Variants in UBXN6 observed in about 807,000 individuals in gnomAD.
UBXN6 encodes the protein UBX domain protein 6.
A neutral mutation model predicts 51.4 loss-of-function variants in UBXN6; 44 were observed. That is an observed-to-expected ratio of 0.86 (90% CI 0.67 to 1.10). The LOEUF (loss-of-function observed/expected upper bound fraction) is 1.10. UBXN6 is among the 50% of genes least tolerant of loss of function. UBXN6 has a pLI of 0.00. For missense variants in UBXN6, 672 were observed against 596.1 expected, an observed-to-expected ratio of 1.13 and a Z score of -1.32; for synonymous variants, 316 against 263.2, an observed-to-expected ratio of 1.20 and a Z score of -1.94.
At position 4,457,510 on chromosome 19, in the gene UBXN6, C is replaced by G; in HGVS notation, c.83+105G>C. The G allele has an allele frequency of 6.6e-6, 7 of 1,054,194 alleles. No individual in the cohort carries two copies. The South Asian group carries it at 1.2e-4, about 17-fold the overall frequency. 65.3% of individuals were successfully genotyped at this position (1,054,194 alleles called of 1,614,324 possible). On this transcript the variant is annotated intron_variant, in intron 1 of 10. Transcript: ENST00000301281. ...TCCCCTGACCCTCGCGTGCCGCTCC[C>G]AGCCCCTCATCCTCTCCGATCTCCC... is the stretch of plus-strand genomic sequence containing the variant.
In UBXN6 at chr19:4,452,511, C is replaced by A; in HGVS notation, c.313-19G>T. The A allele has an allele frequency of 2.5e-6, 4 of 1,606,352 alleles. No individual in the cohort carries two copies. The highest frequency in any genetic ancestry group is 2.5e-6 in the Non-Finnish European group (3 of 1,178,012). On this transcript the variant is annotated intron_variant, in intron 3 of 10. Coordinates refer to ENST00000301281, the MANE Select transcript of UBXN6 (RefSeq NM_025241.3). Reference sequence around the variant, plus strand: ...CAGATACCTGGGGCGGTGAAAGCGTCCAAGTCTGGACCGTGGACAGAGGCC... The same window carrying A: ...CAGATACCTGGGGCGGTGAAAGCGTACAAGTCTGGACCGTGGACAGAGGCC...
At position 4,452,379 on chromosome 19, in the gene UBXN6, C is replaced by G; in HGVS notation, c.426G>C (p.Lys142Asn). The change falls in exon 4 of 11, where the codon AAG (lysine) becomes AAC (asparagine). Residue 142 changes from lysine to asparagine, a missense_variant. Transcript: ENST00000301281. ...LRKDQRDACI[K>N]EAILLHFSTD... ...TGCCACTCACCAAGAGAATGGCCTC[C>G]TTGATGCAGGCGTCCCGCTGGTCCT... is the stretch of plus-strand genomic sequence containing the variant. The G allele has an allele frequency of 6.2e-7, 1 of 1,613,708 alleles. No homozygotes were observed.
At chr19:4,455,716 G>A (rs555196154) in intron 1 of UBXN6, among the ~76,000 whole-genome samples, 3 of 152,234 alleles carry the variant, frequency 2.0e-5, no homozygotes, top group Admixed American at 6.5e-5. Flanking sequence ...TGCACTGTCT[G>A]CACCTTCTGC....
chr19:4,456,335 T>C (rs534545654), intron 1 of UBXN6, among the ~76,000 whole-genome samples: 1 of 128,502 alleles, frequency 7.8e-6, no homozygotes, highest in South Asian at 2.6e-4. Context: ...CCAGGAACCC[T>C]GACGTCCTCA....
intron 5 of UBXN6, chr19:4,447,975 C>G: frequency 2.0e-6 from 1 of 502,360 alleles, no homozygotes; most frequent in Non-Finnish European, 3.6e-6. Context: ...CGGGGTGCTC[C>G]CTCGGCGTTG....
chr19:4,455,968 T>C (rs1429074026), intron 1 of UBXN6, among the ~76,000 whole-genome samples: 1 of 151,990 alleles, frequency 6.6e-6, no homozygotes, highest in African/African-American at 2.4e-5. Flanking sequence ...ATCGGCTCCC[T>C]CTAGAAGGTG....
intron 6 of UBXN6, 69 bp from the exon 7 acceptor site, chr19:4,446,989 TC>T: frequency 6.7e-7 from 1 of 1,496,754 alleles, no homozygotes; most frequent in Non-Finnish European, 9.2e-7. Flanking sequence ...CCCCACCCAG[TC>T]CAGGGGCCCG....
At chr19:4,449,348 C>T (rs1227645767) in intron 4 of UBXN6, 1 of 152,990 alleles carries the variant, frequency 6.5e-6, no homozygotes, top group African/African-American at 2.4e-5. Flanking sequence ...CCACCCCCCA[C>T]CCTCAACTGC....
In UBXN6 at chr19:4,452,445, G is replaced by A. The variant is rs764280812; in HGVS notation, c.360C>T (p.Gly120=). The change falls in exon 4 of 11, where the codon GGC becomes GGT. Residue 120 remains glycine, a synonymous_variant. Coordinates refer to ENST00000301281, the MANE Select transcript of UBXN6 (RefSeq NM_025241.3). ...EEGSAHLAVP[G]VYFTCPLTGA... ...CAGTGAGCGGACAGGTGAAGTACAC[G>A]CCAGGCACAGCCAGGTGGGCAGAGC... 9.3e-5 allele frequency: 150 copies of A among 1,612,020 alleles called. No homozygotes were observed. Among genetic ancestry groups the A allele is most frequent in the East Asian group, 1.6e-4 (7 of 44,878 alleles).
At chr19:4,456,403 T>C in intron 1 of UBXN6, among the ~76,000 whole-genome samples, 1 of 141,210 alleles carries the variant, frequency 7.1e-6, no homozygotes, top group African/African-American at 2.7e-5. Flanking sequence ...CCCCACTTCC[T>C]GCCACCTCCC....
chr19:4,448,276 G>A, intron 5 of UBXN6, 42 bp downstream of exon 5: 1 of 1,533,206 alleles, frequency 6.5e-7, no homozygotes, highest in Non-Finnish European at 8.8e-7. Context: ...GTGCTGGGAT[G>A]AGCTGGAGGG....
At chr19:4,453,855 T>C in intron 2 of UBXN6, 75 bp downstream of exon 2, 2 of 1,545,114 alleles carry the variant, frequency 1.3e-6, no homozygotes, top group Non-Finnish European at 1.7e-6. Context: ...ATGTGACTTC[T>C]GCATCCAGGG....
At chr19:4,447,454 A>T (rs1974558308) in intron 6 of UBXN6, 96 bp downstream of exon 6, 2 of 1,379,124 alleles carry the variant, frequency 1.5e-6, no homozygotes, top group African/African-American at 2.9e-5. Context: ...TAGCTCCTCC[A>T]GGGAGCCCAC....
rs550349075 is a variant in UBXN6 at position 4,454,293 on chromosome 19, A to G, written c.84-200T>C. Reference sequence around the variant, plus strand: ...CTACTGCAGGCGGAAGAGCCCCTGGAGGAAGGAGATGCTGGTTCCACTCAG... The same window carrying G: ...CTACTGCAGGCGGAAGAGCCCCTGGGGGAAGGAGATGCTGGTTCCACTCAG... On this transcript the variant is annotated intron_variant, in intron 1 of 10. Transcript: ENST00000301281. Among the ~76,000 whole-genome samples the G allele has an allele frequency of 5.9e-5, 9 of 152,294 alleles. No individual in the cohort carries two copies. In the East Asian group the frequency reaches 1.5e-3, roughly 26 times the overall value.
At chr19:4,450,947 T>G (rs1013988794) in intron 4 of UBXN6, 6 of 152,048 alleles carry the variant, frequency 3.9e-5, no homozygotes, top group African/African-American at 1.5e-4. Context: ...AAGATCAAAG[T>G]TTGGTGATTT....
intron 3 of UBXN6, 33 bp downstream of exon 3, chr19:4,453,425 G>A (rs763030325): frequency 4.6e-5 from 74 of 1,607,638 alleles, no homozygotes; most frequent in Non-Finnish European, 6.1e-5. Context: ...CCACCCCTTG[G>A]CATGGGACAG....
chr19:4,448,577 C>A (rs1974590279), intron 4 of UBXN6, 162 bp from the exon 5 acceptor site: 2 of 645,628 alleles, frequency 3.1e-6, no homozygotes, highest in South Asian at 3.7e-5. Flanking sequence ...CCTCCAAGAC[C>A]GCAGCCCTGC....
Position 4,447,012 on chromosome 19 carries a change from TG to T in UBXN6, c.616-93del, listed in dbSNP as rs1490845395. ...AGTCCAGGGGCCCGGCTCTCGCTATTGGGAGCAGCTGTCGACCCCTGGATGG... is the reference window on the plus strand; with the variant it reads ...AGTCCAGGGGCCCGGCTCTCGCTATTGGAGCAGCTGTCGACCCCTGGATGG... On this transcript the variant is annotated intron_variant, in intron 6 of 10. Transcript: ENST00000301281. The T allele has an allele frequency of 4.4e-5, 57 of 1,287,742 alleles. 1 individual carries two copies. In the East Asian group the frequency reaches 1.4e-3, roughly 32 times the overall value. 79.8% of individuals were successfully genotyped at this position (1,287,742 alleles called of 1,614,324 possible).
intron 4 of UBXN6, 151 bp from the exon 5 acceptor site, chr19:4,448,566 C>T (rs977422278): frequency 6.0e-6 from 4 of 667,934 alleles, no homozygotes; most frequent in East Asian, 5.4e-5. Flanking sequence ...AAAAGAGAGA[C>T]CCTCCAAGAC....
Sources: gnomAD v4.1 joint callset for allele counts (sites outside exome capture counted in the v4.1 genomes callset) on GRCh38, gnomAD v4.1.1 for gene constraint, MANE v1.5 for transcripts, NCBI Gene and HGNC (gene_info 2026-07-23, HGNC 2026-07-21) for gene names.